Variants in CDH18 observed in about 807,000 individuals in gnomAD.
CDH18 encodes cadherin 18.
Under a neutral mutation model 67.9 loss-of-function variants are expected in CDH18, and 31 were observed. That is an observed-to-expected ratio of 0.46 (90% confidence interval 0.34 to 0.62). The LOEUF is 0.62. Among genes scored for constraint, CDH18 ranks in the 20% least tolerant of loss-of-function variants. The pLI is 0.01. For missense variants in CDH18, 890 were observed against 975.5 expected (o/e 0.91, Z 1.17); for synonymous variants, 362 against 347.2 (o/e 1.04, Z -0.48).
chr5:19,553,633 C>CTTTTTTTTTTTTTTTTTT (rs1021709184), intron 8 of CDH18, among the ~76,000 whole-genome samples: 1 of 108,776 alleles, frequency 9.2e-6, no homozygotes, highest in African/African-American at 3.7e-5. Flanking sequence ...TGGTCTCATA[C>CTTTTTTTTTTTTTTTTTT]TTTTTTTTTT....
intron 1 of CDH18, among the ~76,000 whole-genome samples, chr5:20,417,175 A>T (rs908081914): frequency 5.3e-5 from 8 of 152,138 alleles, no homozygotes; most frequent in African/African-American, 1.9e-4. Flanking sequence ...CTTTCATGCT[A>T]TGTAATTTGC....
chr5:20,553,901 T>C (rs1561124983), intron 1 of CDH18, among the ~76,000 whole-genome samples: 1 of 152,196 alleles, frequency 6.6e-6, no homozygotes, highest in Non-Finnish European at 1.5e-5. Flanking sequence ...TAAAGAGCTA[T>C]TACATTTTTA....
At chr5:20,559,088 C>T (rs370013391) in intron 1 of CDH18, among the ~76,000 whole-genome samples, 2 of 150,928 alleles carry the variant, frequency 1.3e-5, no homozygotes, top group Non-Finnish European at 2.9e-5. Flanking sequence ...TTTCTTCCTT[C>T]TGATTGGCCC....
intron 2 of CDH18, among the ~76,000 whole-genome samples, chr5:19,877,554 T>C (rs574345573): frequency 1.8e-4 from 27 of 152,162 alleles, no homozygotes; most frequent in Non-Finnish European, 3.7e-4. Context: ...AAGGGTGTCA[T>C]GTAATTTTTT....
chr5:19,575,095 T>C (rs1476650624), intron 7 of CDH18, among the ~76,000 whole-genome samples: 1 of 152,178 alleles, frequency 6.6e-6, no homozygotes, highest in African/African-American at 2.4e-5. Context: ...TAATGAGTGC[T>C]ATTTTCAGTG....
intron 2 of CDH18, among the ~76,000 whole-genome samples, chr5:20,003,902 A>G (rs1736663743): frequency 6.6e-6 from 1 of 151,896 alleles, no homozygotes; most frequent in Non-Finnish European, 1.5e-5. Flanking sequence ...GTCTCAAAAA[A>G]CAAACAAACA....
intron 2 of CDH18, among the ~76,000 whole-genome samples, chr5:20,193,907 T>C (rs1738746601): frequency 6.6e-6 from 1 of 152,146 alleles, no homozygotes; most frequent in African/African-American, 2.4e-5. Flanking sequence ...CATGCCTTCA[T>C]GTTAAAAACT....
chr5:19,809,837 AT>A (rs941317885), intron 3 of CDH18, among the ~76,000 whole-genome samples: 1 of 152,160 alleles, frequency 6.6e-6, no homozygotes, highest in Non-Finnish European at 1.5e-5. Flanking sequence ...TAAGAACCCC[AT>A]TTTTTCCCAT....
intron 2 of CDH18, among the ~76,000 whole-genome samples, chr5:19,898,631 A>ATAAGAATAAAT (rs1554059612): frequency 6.6e-6 from 1 of 151,398 alleles, no homozygotes; most frequent in Non-Finnish European, 1.5e-5. Flanking sequence ...TATATGGAAA[A>ATAAGAATAAAT]TAAGAAGAAA....
chr5:19,983,113 A>G (rs1422611269), intron 1 of CDH18, among the ~76,000 whole-genome samples: 1 of 151,992 alleles, frequency 6.6e-6, no homozygotes, highest in Non-Finnish European at 1.5e-5. Context: ...ATATATGTAT[A>G]ATTTGATGGA....
At position 20,534,964 on chromosome 5, in the gene CDH18, G is replaced by A. The variant is rs145805397; in HGVS notation, c.-580+40498C>T. On this transcript the variant is annotated intron_variant, in intron 1 of 14. Coordinates refer to the CDH18 transcript ENST00000507958. Reference sequence around the variant, plus strand: ...TTGATATTTTTTGTTCTTAAGGCTCGCATTTTGCTGTGATTATAGCCTACC... The same window carrying A: ...TTGATATTTTTTGTTCTTAAGGCTCACATTTTGCTGTGATTATAGCCTACC... Among the ~76,000 whole-genome samples the A allele has an allele frequency of 5.4e-3, 821 of 151,844 alleles. 8 individuals carry two copies. The highest frequency in any genetic ancestry group is 7.0e-3 in the Non-Finnish European group (473 of 67,934).
chr5:20,181,890 A>G (rs547187602), intron 2 of CDH18, among the ~76,000 whole-genome samples: 4 of 152,270 alleles, frequency 2.6e-5, no homozygotes, highest in East Asian at 1.9e-4. Context: ...TTGCAAAGTC[A>G]TAATCTGAAT....
intron 1 of CDH18, among the ~76,000 whole-genome samples, chr5:20,475,540 T>G (rs1752377463): frequency 6.6e-6 from 1 of 152,196 alleles, no homozygotes; most frequent in African/African-American, 2.4e-5. Flanking sequence ...TGATTAGCTT[T>G]GACATATAGG....
chr5:20,069,857 C>T (rs1743319107), intron 2 of CDH18, among the ~76,000 whole-genome samples: 2 of 152,112 alleles, frequency 1.3e-5, no homozygotes, highest in African/African-American at 4.8e-5. Flanking sequence ...AGCAGTGGTA[C>T]AATTGTTATA....
chr5:19,587,250 C>T (rs180883758), intron 7 of CDH18, among the ~76,000 whole-genome samples: 1 of 152,194 alleles, frequency 6.6e-6, no homozygotes, highest in East Asian at 1.9e-4. Context: ...GATTTTGCAA[C>T]TAAAATAAAT....
intron 3 of CDH18, among the ~76,000 whole-genome samples, chr5:19,762,899 C>A (rs1772556252): frequency 6.6e-6 from 1 of 152,144 alleles, no homozygotes; most frequent in Non-Finnish European, 1.5e-5. Context: ...ACATATACAC[C>A]ATGGAATACT....
intron 2 of CDH18, among the ~76,000 whole-genome samples, chr5:19,857,259 A>AC (rs1371993453): frequency 6.6e-6 from 1 of 152,136 alleles, no homozygotes; most frequent in Non-Finnish European, 1.5e-5. Context: ...TAAAAAAAAA[A>AC]AAAAAAGTTG....
chr5:20,430,162 CTTAA>C (rs1295481360), intron 1 of CDH18, among the ~76,000 whole-genome samples: 23 of 152,102 alleles, frequency 1.5e-4, no homozygotes, highest in African/African-American at 5.6e-4. Flanking sequence ...GAAATAAGAA[CTTAA>C]TTAATCCTGT....
At chr5:20,020,817 A>G (rs893668255) in intron 2 of CDH18, among the ~76,000 whole-genome samples, 1 of 152,192 alleles carries the variant, frequency 6.6e-6, no homozygotes, top group Admixed American at 6.5e-5. Flanking sequence ...GCCTCCAAAC[A>G]GAGTTCCCAC....
Sources: gnomAD v4.1 joint callset for allele counts (sites outside exome capture counted in the v4.1 genomes callset) on GRCh38, gnomAD v4.1.1 for gene constraint, MANE v1.5 for transcripts, NCBI Gene and HGNC (gene_info 2026-07-23, HGNC 2026-07-21) for gene names.